Variants in MYH11 observed in about 807,000 individuals in gnomAD.
The protein encoded by MYH11 is myosin-11.
MYH11 carries 80 observed loss-of-function variants against 246.6 expected under a neutral mutation model. The observed-to-expected ratio is 0.32, with a 90% confidence interval of 0.27 to 0.39. The LOEUF is 0.39. MYH11 is among the 10% of genes least tolerant of loss of function. MYH11 has a pLI of 1.00. For synonymous variants in MYH11, 1,071 were observed against 1,015.5 expected (o/e 1.05, Z -1.04); for missense variants, 2,158 against 2,546.8 (o/e 0.85, Z 3.29).
At chr16:15,723,282 T>C (rs1187956500) in intron 31 of MYH11, among the ~76,000 whole-genome samples, 4 of 152,134 alleles carry the variant, frequency 2.6e-5, no homozygotes, top group Non-Finnish European at 1.5e-5. Context: ...AGGGGAAATG[T>C]ACTGACATCT....
chr16:15,852,920 G>A (rs760033299), intron 1 of MYH11, among the ~76,000 whole-genome samples: 1 of 152,148 alleles, frequency 6.6e-6, no homozygotes, highest in Non-Finnish European at 1.5e-5. Flanking sequence ...GATGGCATTA[G>A]CGATGTTTGA....
In MYH11 at chr16:15,814,553, C is replaced by CAAAAAAAAAAA. The variant is rs58806731; in HGVS notation, c.502+8691_502+8701dup. On this transcript the variant is annotated intron_variant, in intron 3 of 40. Transcript: ENST00000300036. Reference sequence around the variant, plus strand: ...GGACAACGAGAGTGAAACTCCATCTCAAAAAAAAAAAAAAAAAAAAAAAAA... The same window carrying CAAAAAAAAAAA: ...GGACAACGAGAGTGAAACTCCATCTCAAAAAAAAAAAAAAAAAAAAAAAAAAAAAAAAAAAA... Among the ~76,000 whole-genome samples, 18 of 22,824 alleles carry CAAAAAAAAAAA rather than the reference C, an allele frequency of 7.9e-4. 1 individual carries two copies. The highest frequency in any genetic ancestry group is 3.0e-3 in the East Asian group (1 of 338). The allele number at this position is 22,824 out of a possible 152,430, so 15.0% of individuals were successfully genotyped here.
chr16:15,752,822 T>G (rs1408919764), intron 15 of MYH11, among the ~76,000 whole-genome samples: 1 of 152,174 alleles, frequency 6.6e-6, no homozygotes, highest in African/African-American at 2.4e-5. Flanking sequence ...GAGGCTGCAG[T>G]GAGCCAAGAT....
intron 40 of MYH11, among the ~76,000 whole-genome samples, chr16:15,710,685 TTTG>T (rs1443682967): frequency 6.6e-6 from 1 of 151,300 alleles, no homozygotes; most frequent in African/African-American, 2.4e-5. Flanking sequence ...GTTTTTGTTT[TTTG>T]TTTTTTTTTT....
At position 15,724,709 on chromosome 16, in the gene MYH11, G is replaced by C. The variant is rs750013920; in HGVS notation, c.4054C>G (p.Leu1352Val). 1 of 1,614,200 alleles carries C rather than the reference G, an allele frequency of 6.2e-7. No individual in the cohort carries two copies. The highest frequency in any genetic ancestry group is 1.7e-5 in the Admixed American group (1 of 60,032). Residue 1352 changes from leucine (L) to valine (V), a missense_variant, in exon 30 of 41, where the codon CTG becomes GTG. Around this residue, in one of 11 missense-constraint regions of MYH11, gnomAD observed 1,013 missense variants for 993.5 expected, o/e 1.02. Transcript: ENST00000300036. ...EEERNSLQDQ[L>V]DEEMEAKQNL... The stretch of plus-strand genomic sequence containing the variant: ...TGCTTGGCCTCCATCTCCTCGTCCA[G>C]CTGGTCTTGCAGGCTGTTCCGCTCC...
At chr16:15,786,247 G>A (rs771112813) in intron 5 of MYH11, 10 of 373,930 alleles carry the variant, frequency 2.7e-5, no homozygotes, top group African/African-American at 8.4e-5. Flanking sequence ...GGCATCTGGC[G>A]GGTCGAGGCC....
intron 2 of MYH11, among the ~76,000 whole-genome samples, chr16:15,826,399 G>A (rs2043565938): frequency 6.6e-6 from 1 of 152,028 alleles, no homozygotes; most frequent in Admixed American, 6.6e-5. Context: ...ACCAGCTTGG[G>A]CAGCACAGTG....
chr16:15,818,943 G>A (rs907992413), intron 3 of MYH11, among the ~76,000 whole-genome samples: 8 of 152,228 alleles, frequency 5.3e-5, no homozygotes, highest in South Asian at 2.1e-4. Context: ...ACCATAGCAC[G>A]ATCATAGCAC....
intron 17 of MYH11, 38 bp downstream of exon 17, chr16:15,748,009 C>T: frequency 6.2e-7 from 1 of 1,614,226 alleles, no homozygotes; most frequent in Non-Finnish European, 8.5e-7. Context: ...CAGTCCCGCT[C>T]ACCCCCTGCC....
chr16:15,729,379 T>C (rs1261184611), intron 27 of MYH11, among the ~76,000 whole-genome samples: 2 of 152,060 alleles, frequency 1.3e-5, no homozygotes, highest in Non-Finnish European at 2.9e-5. Context: ...TCTACCTGCT[T>C]TGTGCGGGTC....
intron 36 of MYH11, 89 bp downstream of exon 36, chr16:15,719,131 A>G (rs2040328581): frequency 1.5e-6 from 2 of 1,376,332 alleles, no homozygotes; most frequent in Admixed American, 1.8e-5. Context: ...CTGTCTCGAA[A>G]AAATTTAAAA....
Position 15,703,560 on chromosome 16 carries a change from A to T in MYH11, c.*431T>A, listed in dbSNP as rs2039297036. The T allele has an allele frequency of 8.9e-6, 3 of 335,548 alleles. No homozygotes were observed. Among genetic ancestry groups the T allele is most frequent in the Admixed American group, 9.0e-5 (2 of 22,188 alleles). 20.8% of individuals were successfully genotyped at this position (335,548 alleles called of 1,614,324 possible). A position where few individuals can be genotyped will look rare whatever the true frequency, so the allele number is the denominator to read the frequency against. ...CATCTCTTACATCATACAAACTTCA[A>T]TTTTTACCTTGAATACAGGGGTAGT... On this transcript the variant is annotated 3_prime_UTR_variant, in exon 41 of 41. Coordinates refer to ENST00000300036, the MANE Select transcript of MYH11 (RefSeq NM_002474.3).
At chr16:15,784,699 T>C in intron 5 of MYH11, 1 of 1,613,948 alleles carries the variant, frequency 6.2e-7, no homozygotes, top group Non-Finnish European at 8.5e-7. Flanking sequence ...GTTACTCACG[T>C]AGGCAAAAGA....
At chr16:15,737,917 C>T (rs1264264200) in intron 24 of MYH11, among the ~76,000 whole-genome samples, 2 of 152,070 alleles carry the variant, frequency 1.3e-5, no homozygotes, top group East Asian at 1.9e-4. Context: ...CTCAGCCTCC[C>T]GAGTAGCTGG....
intron 14 of MYH11, among the ~76,000 whole-genome samples, chr16:15,754,303 T>C (rs1475026090): frequency 6.6e-6 from 1 of 152,196 alleles, no homozygotes; most frequent in African/African-American, 2.4e-5. Context: ...GAGATCCTGA[T>C]ATATGGATAT....
intron 3 of MYH11, among the ~76,000 whole-genome samples, chr16:15,805,918 A>C (rs1469792656): frequency 6.6e-6 from 1 of 152,116 alleles, no homozygotes; most frequent in African/African-American, 2.4e-5. Flanking sequence ...CCTGTCTTAA[A>C]AAATATATAA....
At chr16:15,751,871 TCA>T (rs1196164631) in intron 15 of MYH11, among the ~76,000 whole-genome samples, 1 of 152,098 alleles carries the variant, frequency 6.6e-6, no homozygotes, top group African/African-American at 2.4e-5. Context: ...CAATCTCAGC[TCA>T]CTGCAACCTG....
chr16:15,786,226 A>T, intron 5 of MYH11: 1 of 365,182 alleles, frequency 2.7e-6, no homozygotes, highest in South Asian at 2.2e-5. Context: ...ACTGGAGGGA[A>T]GGGGGCTGTC....
chr16:15,721,699 T>A, intron 31 of MYH11, 65 bp from the exon 32 acceptor site: 2 of 1,553,348 alleles, frequency 1.3e-6, no homozygotes, highest in Non-Finnish European at 1.8e-6. Flanking sequence ...GAATTGTAAA[T>A]ACCGGGGGAA....
Sources: gnomAD v4.1 joint callset for allele counts (sites outside exome capture counted in the v4.1 genomes callset) on GRCh38, gnomAD v4.1.1 for gene constraint, gnomAD v4.1.1 regional missense constraint, MANE v1.5 for transcripts, NCBI Gene and HGNC (gene_info 2026-07-23, HGNC 2026-07-21) for gene names.